Variants in TAF2 observed in about 807,000 individuals in gnomAD.
The protein encoded by TAF2 is transcription initiation factor TFIID subunit 2.
In TAF2, 61 loss-of-function variants were observed where a neutral mutation model predicts 138.5. The observed-to-expected ratio is 0.44, with a 90% CI of 0.36 to 0.54. The LOEUF (loss-of-function observed/expected upper bound fraction) is 0.54, where lower values mean the gene tolerates loss of function less well. TAF2 is among the 20% of genes least tolerant of loss of function. The pLI is 0.00. For synonymous variants in TAF2, 475 were observed against 469.9 expected (o/e 1.01, Z -0.14); for missense variants, 1,090 against 1,427.9 (o/e 0.76, Z 3.81).
At position 119,824,185 on chromosome 8, in the gene TAF2, C is replaced by T. The variant is rs192171480; in HGVS notation, c.139-4679G>A. Reference sequence around the variant, plus strand: ...GCGGCTCACACCTGTAATCCCAGCACATTGGGAGGCTGAGGCAGGTGGATC... The same window carrying T: ...GCGGCTCACACCTGTAATCCCAGCATATTGGGAGGCTGAGGCAGGTGGATC... On this transcript the variant is annotated intron_variant, in intron 2 of 25. Coordinates refer to ENST00000378164, the MANE Select transcript of TAF2 (RefSeq NM_003184.4). Among the ~76,000 whole-genome samples, 1,370 of 152,128 alleles carry T rather than the reference C, an allele frequency of 9.0e-3. 16 individuals are homozygous for T. Among genetic ancestry groups the T allele is most frequent in the African/African-American group, 0.031 (1,306 of 41,504 alleles).
At chr8:119,825,032 T>C (rs1247746809) in intron 2 of TAF2, among the ~76,000 whole-genome samples, 2 of 152,198 alleles carry the variant, frequency 1.3e-5, no homozygotes, top group African/African-American at 4.8e-5. Flanking sequence ...GACCCCAGAA[T>C]GGTTCACTGA....
At chr8:119,822,702 T>C (rs1173212173) in intron 2 of TAF2, among the ~76,000 whole-genome samples, 1 of 152,196 alleles carries the variant, frequency 6.6e-6, no homozygotes, top group Non-Finnish European at 1.5e-5. Flanking sequence ...TGCTTAGAAC[T>C]GCTCTGATGC....
At chr8:119,741,211 A>G (rs1240641980) in intron 25 of TAF2, among the ~76,000 whole-genome samples, 1 of 152,206 alleles carries the variant, frequency 6.6e-6, no homozygotes, top group East Asian at 1.9e-4. Context: ...TACATAGGTT[A>G]ATGTGCCACA....
intron 18 of TAF2, among the ~76,000 whole-genome samples, chr8:119,766,301 C>CA (rs1821413604): frequency 6.6e-6 from 1 of 152,120 alleles, no homozygotes; most frequent in African/African-American, 2.4e-5. Context: ...AGGGGTGCTA[C>CA]AAGCATTTAA....
chr8:119,767,522 G>A (rs1328646871), intron 18 of TAF2, among the ~76,000 whole-genome samples: 2 of 152,176 alleles, frequency 1.3e-5, no homozygotes, highest in African/African-American at 4.8e-5. Context: ...GGCCCCTCAG[G>A]CTTCCAGTCT....
chr8:119,763,418 C>T (rs1821198654), intron 18 of TAF2, among the ~76,000 whole-genome samples: 1 of 152,190 alleles, frequency 6.6e-6, no homozygotes, highest in South Asian at 2.1e-4. Context: ...AATCTTCTCA[C>T]ATGAAAACTG....
chr8:119,812,751 G>GTA (rs768473614), intron 3 of TAF2, among the ~76,000 whole-genome samples: 8 of 86,578 alleles, frequency 9.2e-5, no homozygotes, highest in Admixed American at 6.9e-4. Flanking sequence ...GTGTGTGTGT[G>GTA]TATATATGTG....
At position 119,826,290 on chromosome 8, in the gene TAF2, C is replaced by CA. The variant is rs920683108; in HGVS notation, c.138+5386dup. 1.3e-4 allele frequency among the ~76,000 whole-genome samples: 20 copies of CA among 150,046 alleles called. No homozygotes were observed. The East Asian group carries it at 1.8e-3, about 13-fold the overall frequency. Reference sequence around the variant, plus strand: ...AAAAAAAAAACAAGAAACAAACAAACAAAAAAAACAGGAGTTTCTCTGCAC... The same window carrying CA: ...AAAAAAAAAACAAGAAACAAACAAACAAAAAAAAACAGGAGTTTCTCTGCAC... On this transcript the variant is annotated intron_variant, in intron 2 of 25. Coordinates refer to ENST00000378164, the MANE Select transcript of TAF2 (RefSeq NM_003184.4).
chr8:119,733,124 C>A (rs1356360409), intron 25 of TAF2, among the ~76,000 whole-genome samples: 1 of 152,122 alleles, frequency 6.6e-6, no homozygotes, highest in Non-Finnish European at 1.5e-5. Flanking sequence ...GAACTAATCC[C>A]CTCTGCGTAT....
chr8:119,789,782 CAG>C (rs1159952590), intron 11 of TAF2, 36 bp from the exon 12 acceptor site: 1 of 1,591,078 alleles, frequency 6.3e-7, no homozygotes. Flanking sequence ...ATTCATATAA[CAG>C]ATTCTTTTCA....
At chr8:119,792,780 T>C (rs1197495042) in intron 10 of TAF2, among the ~76,000 whole-genome samples, 1 of 152,124 alleles carries the variant, frequency 6.6e-6, no homozygotes, top group Non-Finnish European at 1.5e-5. Context: ...CTGCCATCCC[T>C]TCCACCTTGT....
At chr8:119,806,117 G>T (rs1029367780) in intron 4 of TAF2, among the ~76,000 whole-genome samples, 166 bp downstream of exon 4, 6 of 152,074 alleles carry the variant, frequency 3.9e-5, no homozygotes, top group Non-Finnish European at 8.8e-5. Flanking sequence ...GGCCAGGCTG[G>T]TCTTGAACTC....
chr8:119,797,574 G>A, intron 7 of TAF2, 88 bp downstream of exon 7: 1 of 1,376,106 alleles, frequency 7.3e-7, no homozygotes. Context: ...AAAGTTCAAA[G>A]CTCGTCTTAA....
In TAF2 at chr8:119,760,624, C is replaced by T. The variant is rs751613500; in HGVS notation, c.2673G>A (p.Leu891=). The stretch of plus-strand genomic sequence containing the variant: ...CTTTAGTATAATCAACAACTGCTTC[C>T]AAAGCTGCTATCCTAATGTCCACAA... ...GHFVDIRIAA[L]EAVVDYTKVD... Residue 891 remains leucine (L), a synonymous_variant, in exon 20 of 26, where the codon TTG becomes TTA. Coordinates refer to ENST00000378164, the MANE Select transcript of TAF2 (RefSeq NM_003184.4). 8.7e-6 allele frequency: 14 copies of T among 1,613,490 alleles called. No homozygotes were observed. The highest frequency in any genetic ancestry group is 1.2e-5 in the Non-Finnish European group (14 of 1,179,944).
At chr8:119,756,798 A>G (rs1203940162) in intron 21 of TAF2, among the ~76,000 whole-genome samples, 1 of 152,134 alleles carries the variant, frequency 6.6e-6, no homozygotes, top group African/African-American at 2.4e-5. Context: ...ATACAGGGCA[A>G]CGCAATGAAA....
chr8:119,789,031 A>T (rs1823233374), intron 12 of TAF2, 127 bp from the exon 13 acceptor site: 1 of 679,226 alleles, frequency 1.5e-6, no homozygotes, highest in Non-Finnish European at 2.6e-6. Context: ...AGCATACGCT[A>T]CAGTAAACCA....
intron 16 of TAF2, 93 bp downstream of exon 16, chr8:119,783,288 G>T: frequency 6.8e-7 from 1 of 1,478,648 alleles, no homozygotes; most frequent in Non-Finnish European, 9.1e-7. Flanking sequence ...CAGCTACCAA[G>T]TAAATTTAAA....
intron 18 of TAF2, among the ~76,000 whole-genome samples, chr8:119,774,045 C>T (rs1469523190): frequency 6.6e-6 from 1 of 151,376 alleles, no homozygotes; most frequent in Non-Finnish European, 1.5e-5. Flanking sequence ...GTGGCGGGTG[C>T]CTGTAATCCC....
chr8:119,764,816 C>T (rs958644447), intron 18 of TAF2, among the ~76,000 whole-genome samples: 1 of 151,874 alleles, frequency 6.6e-6, no homozygotes, highest in Admixed American at 6.6e-5. Flanking sequence ...ATGTGATTTG[C>T]CACCATCCTA....
Sources: allele counts gnomAD v4.1 joint callset (sites outside exome capture counted in the v4.1 genomes callset), GRCh38; gene constraint gnomAD v4.1.1; transcripts MANE v1.5; gene names NCBI Gene and HGNC (gene_info 2026-07-23, HGNC 2026-07-21).